DCDC2C: variants seen among roughly 807,000 people sequenced by gnomAD.
The protein encoded by DCDC2C is doublecortin domain containing 2C, also known as doublecortin domain-containing protein 2C.
DCDC2C carries 44 observed loss-of-function variants against 45.0 expected under a neutral mutation model. That is an observed-to-expected ratio of 0.98 (90% CI 0.77 to 1.26). DCDC2C has a LOEUF of 1.26. Ranked by LOEUF, DCDC2C falls within the 50% of genes most tolerant of loss-of-function variation. The probability of loss-of-function intolerance (pLI) is 0.00; values close to 1 mark genes in which losing one functional copy is unlikely to be tolerated. For synonymous variants in DCDC2C, 187 were observed against 178.8 expected (o/e 1.05, Z -0.37); for missense variants, 447 against 468.9 (o/e 0.95, Z 0.43).
chr2:3,705,999 C>T (rs148918094), intron 1 of DCDC2C, among the ~76,000 whole-genome samples: 96 of 152,160 alleles, frequency 6.3e-4, no homozygotes, highest in African/African-American at 2.1e-3. Context: ...ATAGAGAGCA[C>T]GTGGGGTTCC....
At chr2:3,825,673 T>C (rs942202285) in intron 10 of DCDC2C, among the ~76,000 whole-genome samples, 1 of 152,120 alleles carries the variant, frequency 6.6e-6, no homozygotes, top group Non-Finnish European at 1.5e-5. Flanking sequence ...TTCAACAACC[T>C]GGGATGGAGG....
chr2:3,814,505 T>C (rs1399134246), intron 10 of DCDC2C, among the ~76,000 whole-genome samples: 1 of 152,252 alleles, frequency 6.6e-6, no homozygotes, highest in East Asian at 1.9e-4. Flanking sequence ...TTCTAAAGCC[T>C]ACTTCTGTCA....
At chr2:3,718,247 C>T (rs554527557) in intron 2 of DCDC2C, among the ~76,000 whole-genome samples, 1 of 152,294 alleles carries the variant, frequency 6.6e-6, no homozygotes, top group South Asian at 2.1e-4. Context: ...GGCAGGTATT[C>T]TCCTCTCCTT....
chr2:3,786,248 G>T (rs1248712051), intron 10 of DCDC2C, among the ~76,000 whole-genome samples: 5 of 151,026 alleles, frequency 3.3e-5, no homozygotes, highest in Admixed American at 2.0e-4. Flanking sequence ...TCCCGCCTGT[G>T]CACGGAACCT....
chr2:3,797,156 TAG>T (rs1670980436), intron 10 of DCDC2C, among the ~76,000 whole-genome samples: 1 of 152,260 alleles, frequency 6.6e-6, no homozygotes, highest in Non-Finnish European at 1.5e-5. Context: ...TTTATTTGCG[TAG>T]AGTTGTTTGT....
intron 6 of DCDC2C, among the ~76,000 whole-genome samples, chr2:3,755,309 A>G (rs893277427): frequency 1.3e-5 from 2 of 152,048 alleles, no homozygotes; most frequent in African/African-American, 4.8e-5. Context: ...GTGCATATGA[A>G]TACATGTTTG....
At position 3,818,135 on chromosome 2, in the gene DCDC2C, T is replaced by C. The variant is rs1671599320; in HGVS notation, c.1066-29019T>C. 6.6e-6 allele frequency among the ~76,000 whole-genome samples: 1 copy of C among 152,004 alleles called. No individual in the cohort carries two copies. Among genetic ancestry groups the C allele is most frequent in the South Asian group, 2.1e-4 (1 of 4,810 alleles). The stretch of plus-strand genomic sequence containing the variant: ...CAGGAGGGTGTCCTGTTGGGAAGAT[T>C]TGTAGGAGGGGCTATAAAGTAGAAG... On this transcript the variant is annotated intron_variant, in intron 10 of 10. Transcript: ENST00000399143. This position sits in a 1 kb window ranked among gnomAD's most constrained non-coding sequence, Gnocchi z 4.7.
chr2:3,798,434 G>T (rs374641635), intron 10 of DCDC2C, among the ~76,000 whole-genome samples: 2 of 151,016 alleles, frequency 1.3e-5, no homozygotes, highest in Non-Finnish European at 3.0e-5. Context: ...TGGTTATTTT[G>T]CTCGTTAGTT....
chr2:3,723,907 G>A (rs928067105), intron 2 of DCDC2C, among the ~76,000 whole-genome samples: 1 of 152,062 alleles, frequency 6.6e-6, no homozygotes, highest in African/African-American at 2.4e-5. Context: ...TTCTATTTGA[G>A]CCATAACAAG....
At chr2:3,728,239 A>G (rs1413777251) in intron 3 of DCDC2C, among the ~76,000 whole-genome samples, 1 of 152,222 alleles carries the variant, frequency 6.6e-6, no homozygotes, top group African/African-American at 2.4e-5. Flanking sequence ...AGAATTCGCC[A>G]AACTTGGCCC....
chr2:3,820,599 A>G (rs28824870), intron 10 of DCDC2C, among the ~76,000 whole-genome samples: 92,582 of 152,024 alleles, frequency 0.61, 28,998 homozygotes, highest in African/African-American at 0.75. Flanking sequence ...CCAAGGGAAG[A>G]CTGTCTTCCC....
intron 10 of DCDC2C, among the ~76,000 whole-genome samples, chr2:3,791,583 C>T (rs868023918): frequency 1.3e-5 from 2 of 152,296 alleles, no homozygotes; most frequent in South Asian, 4.1e-4. Flanking sequence ...TTGGAAGCTT[C>T]CCTACTTTCC....
intron 2 of DCDC2C, among the ~76,000 whole-genome samples, chr2:3,716,746 G>A (rs935178710): frequency 6.6e-6 from 1 of 152,190 alleles, no homozygotes; most frequent in Non-Finnish European, 1.5e-5. Context: ...AATAATTGCT[G>A]TCTCTATAGG....
rs1672113632 is a variant in DCDC2C, at chr2:3,837,621, GA to G, written c.1066-9531del. 1.1e-4 allele frequency among the ~76,000 whole-genome samples: 11 copies of G among 103,140 alleles called. 3 individuals are homozygous for G. Among genetic ancestry groups the G allele is most frequent in the South Asian group, 3.6e-4 (1 of 2,784 alleles). The allele number at this position is 103,140 out of a possible 152,430, so 67.7% of individuals were successfully genotyped here. On this transcript the variant is annotated intron_variant, in intron 10 of 10. Coordinates refer to ENST00000399143, the MANE Select transcript of DCDC2C (RefSeq NM_001287444.2). ...CTCATCTAAAGGGGAAGAAACTGAG[GA>G]AGAAATCAGCCTTTGGCTCCCCCTT...
intron 10 of DCDC2C, among the ~76,000 whole-genome samples, chr2:3,820,034 G>C (rs1422788877): frequency 6.6e-6 from 1 of 152,194 alleles, no homozygotes; most frequent in Non-Finnish European, 1.5e-5. Context: ...AGAGCTTGGG[G>C]TGGAGACCGA....
chr2:3,719,750 C>A (rs916358668), intron 2 of DCDC2C, among the ~76,000 whole-genome samples: 1 of 152,200 alleles, frequency 6.6e-6, no homozygotes, highest in Non-Finnish European at 1.5e-5. Context: ...CACCCTTAAA[C>A]CTTATATAAG....
chr2:3,810,480 A>G (rs970988905), intron 10 of DCDC2C, among the ~76,000 whole-genome samples: 2 of 152,206 alleles, frequency 1.3e-5, no homozygotes, highest in African/African-American at 4.8e-5. Context: ...AATTCTGGAT[A>G]TTAGACCTTT....
chr2:3,830,237 T>C (rs914360196), intron 10 of DCDC2C, among the ~76,000 whole-genome samples: 10 of 152,172 alleles, frequency 6.6e-5, no homozygotes, highest in Non-Finnish European at 1.0e-4. Context: ...AAATATTTGG[T>C]AGGTGACAAC....
chr2:3,821,470 A>C (rs12328316), intron 10 of DCDC2C, among the ~76,000 whole-genome samples: 1 of 152,094 alleles, frequency 6.6e-6, no homozygotes, highest in Non-Finnish European at 1.5e-5. Context: ...CCTCCTGATC[A>C]TAAGGGGAAA....
Sources: gnomAD v4.1 joint callset for allele counts (sites outside exome capture counted in the v4.1 genomes callset) on GRCh38, gnomAD v4.1.1 for gene constraint, Gnocchi (gnomAD v3.1) non-coding constraint, MANE v1.5 for transcripts, NCBI Gene and HGNC (gene_info 2026-07-23, HGNC 2026-07-21) for gene names.